The following SBF2 variants were observed in gnomAD, a reference collection of about 807,000 sequenced individuals.
SBF2 encodes the protein SET binding factor 2, also known as myotubularin-related protein 13.
A neutral mutation model predicts 225.2 loss-of-function variants in SBF2; 112 were observed. The ratio of observed to expected loss-of-function variants is 0.50; its 90% CI spans 0.43 to 0.58. SBF2 has a LOEUF of 0.58. SBF2 is among the 20% of genes least tolerant of loss of function. The pLI is 0.00. For synonymous variants in SBF2, 763 were observed against 773.3 expected, an observed-to-expected ratio of 0.99 and a Z score of 0.22; for missense variants, 1,996 against 2,206.2, an observed-to-expected ratio of 0.90 and a Z score of 1.91.
At chr11:10,225,382 C>T (rs1057206114) in intron 1 of SBF2, among the ~76,000 whole-genome samples, 2 of 151,042 alleles carry the variant, frequency 1.3e-5, no homozygotes, top group African/African-American at 4.9e-5. Flanking sequence ...TTAATAGAGG[C>T]AGCATTTTGA....
intron 2 of SBF2, among the ~76,000 whole-genome samples, chr11:10,179,393 A>C (rs1344904107): frequency 3.3e-5 from 5 of 151,094 alleles, no homozygotes; most frequent in African/African-American, 7.3e-5. Flanking sequence ...AAAACAAAAA[A>C]AAACAAAAAC....
At chr11:9,995,517 T>A (rs939213465) in intron 9 of SBF2, among the ~76,000 whole-genome samples, 1 of 152,190 alleles carries the variant, frequency 6.6e-6, no homozygotes, top group Non-Finnish European at 1.5e-5. Context: ...GTGTTGCCAT[T>A]TGATTATAAT....
chr11:9,977,154 A>T (rs1220592976), intron 13 of SBF2, among the ~76,000 whole-genome samples: 1 of 151,978 alleles, frequency 6.6e-6, no homozygotes, highest in African/African-American at 2.4e-5. Flanking sequence ...TCACTTTGTG[A>T]AAACATTTAT....
intron 1 of SBF2, among the ~76,000 whole-genome samples, chr11:10,195,454 G>A (rs1337167788): frequency 6.6e-6 from 1 of 152,150 alleles, no homozygotes; most frequent in African/African-American, 2.4e-5. Context: ...AGATCTTCAT[G>A]TTCCTTGCAT....
intron 2 of SBF2, among the ~76,000 whole-genome samples, chr11:10,172,431 AACCTCC>A (rs1302716958): frequency 1.3e-5 from 2 of 152,078 alleles, no homozygotes; most frequent in Non-Finnish European, 2.9e-5. Context: ...AGCTCACTGC[AACCTCC>A]ACCTCCCAGG....
At chr11:10,177,801 C>A (rs897504679) in intron 2 of SBF2, among the ~76,000 whole-genome samples, 4 of 149,930 alleles carry the variant, frequency 2.7e-5, no homozygotes, top group South Asian at 2.1e-4. Flanking sequence ...CCATCCCCAT[C>A]AAGCTACCAA....
intron 1 of SBF2, among the ~76,000 whole-genome samples, chr11:10,210,871 G>C (rs1315560377): frequency 6.6e-6 from 1 of 151,942 alleles, no homozygotes; most frequent in African/African-American, 2.4e-5. Flanking sequence ...AAATTAGCTG[G>C]ATGTGGTGGC....
At chr11:9,955,788 G>A (rs1009924250) in intron 16 of SBF2, among the ~76,000 whole-genome samples, 3 of 151,996 alleles carry the variant, frequency 2.0e-5, no homozygotes, top group Admixed American at 6.5e-5. Context: ...CATTACATTG[G>A]AAGATCCCCA....
At chr11:9,824,859 G>A (rs1204273646) in intron 28 of SBF2, among the ~76,000 whole-genome samples, 1 of 152,162 alleles carries the variant, frequency 6.6e-6, no homozygotes, top group African/African-American at 2.4e-5. Context: ...AAATAAAGCA[G>A]TAAGGGGAAA....
intron 1 of SBF2, among the ~76,000 whole-genome samples, chr11:10,285,341 AGAGAGGG>A (rs929295078): frequency 2.0e-5 from 3 of 151,908 alleles, no homozygotes; most frequent in Admixed American, 6.6e-5. Flanking sequence ...AAGAGAAGGA[AGAGAGGG>A]GAGAGGGGAG....
intron 2 of SBF2, among the ~76,000 whole-genome samples, chr11:10,083,703 C>G (rs1284705257): frequency 6.6e-6 from 1 of 152,076 alleles, no homozygotes; most frequent in Non-Finnish European, 1.5e-5. Context: ...ACCCATATCT[C>G]TCACCATATG....
intron 2 of SBF2, among the ~76,000 whole-genome samples, chr11:10,145,467 G>A (rs1012218855): frequency 1.2e-4 from 18 of 152,014 alleles, no homozygotes; most frequent in Non-Finnish European, 2.5e-4. Flanking sequence ...GAAGAAAGAG[G>A]TATACATCTT....
At chr11:10,277,103 T>A (rs1963008879) in intron 1 of SBF2, among the ~76,000 whole-genome samples, 1 of 124,490 alleles carries the variant, frequency 8.0e-6, no homozygotes, top group Admixed American at 1.1e-4. Context: ...ACTGCACTCC[T>A]GCCTGGGCAA....
intron 13 of SBF2, among the ~76,000 whole-genome samples, chr11:9,971,181 C>G (rs994499207): frequency 3.3e-5 from 5 of 151,324 alleles, no homozygotes; most frequent in African/African-American, 1.2e-4. Flanking sequence ...TCTATATTTT[C>G]TTTATAATAA....
chr11:9,965,593 C>CT (rs1429053605), intron 14 of SBF2, among the ~76,000 whole-genome samples: 1 of 152,056 alleles, frequency 6.6e-6, no homozygotes, highest in Non-Finnish European at 1.5e-5. Context: ...CAGCCTTAAA[C>CT]TTTTTAATAA....
chr11:10,067,199 G>A (rs1950658667), intron 2 of SBF2, among the ~76,000 whole-genome samples: 1 of 152,146 alleles, frequency 6.6e-6, no homozygotes, highest in Non-Finnish European at 1.5e-5. Flanking sequence ...CACTGCTGAG[G>A]AAAACTAAAT....
intron 17 of SBF2, among the ~76,000 whole-genome samples, chr11:9,869,926 G>T (rs1347301211): frequency 6.6e-6 from 1 of 152,200 alleles, no homozygotes; most frequent in Admixed American, 6.5e-5. Flanking sequence ...TTTGTTTGCT[G>T]ATGGCATGGT....
At chr11:10,240,337 A>T (rs1959191786) in intron 1 of SBF2, among the ~76,000 whole-genome samples, 2 of 152,142 alleles carry the variant, frequency 1.3e-5, no homozygotes, top group Non-Finnish European at 2.9e-5. Flanking sequence ...ATTTCTGAGA[A>T]AGGTAACCAA....
In SBF2 at chr11:10,001,010, G is replaced by C; in HGVS notation, c.765C>G (p.Ile255Met). Reference protein sequence around the residue: ...MFPLKYSYPYIPILPAQLLEV... With the variant: ...MFPLKYSYPYMPILPAQLLEV... ...CCAGTAGCTGAGCCGGGAGAATAGG[G>C]ATATAAGGATAACTGGAAATAATAA... Residue 255 changes from isoleucine (I) to methionine (M), a missense_variant, in exon 8 of 40, where the codon ATC (isoleucine) becomes ATG (methionine). Transcript: ENST00000256190. The C allele has an allele frequency of 1.3e-6, 2 of 1,558,022 alleles. No individual in the cohort carries two copies. Among genetic ancestry groups the C allele is most frequent in the Non-Finnish European group, 1.8e-6 (2 of 1,129,176 alleles).
Sources: allele counts gnomAD v4.1 joint callset (sites outside exome capture counted in the v4.1 genomes callset), GRCh38; gene constraint gnomAD v4.1.1; transcripts MANE v1.5; gene names NCBI Gene and HGNC (gene_info 2026-07-23, HGNC 2026-07-21).